RLF: variants seen among roughly 807,000 people sequenced by gnomAD.
RLF encodes the protein zinc finger protein Rlf.
RLF carries 7 observed loss-of-function variants against 162.9 expected under a neutral mutation model. The ratio of observed to expected loss-of-function variants is 0.04; its 90% CI spans 0.02 to 0.08. RLF has a LOEUF of 0.08. Among genes scored for constraint, RLF ranks in the 10% least tolerant of loss-of-function variants. RLF has a pLI of 1.00. For missense variants in RLF, 1,664 were observed against 2,244.7 expected, an observed-to-expected ratio of 0.74 and a Z score of 5.23; for synonymous variants, 782 against 791.5, an observed-to-expected ratio of 0.99 and a Z score of 0.20.
At chr1:40,222,818 G>A in intron 6 of RLF, 108 bp downstream of exon 6, 1 of 862,416 alleles carries the variant, frequency 1.2e-6, no homozygotes, top group Non-Finnish European at 1.8e-6. Context: ...CATGACCTGT[G>A]AATAGCTTCT....
intron 1 of RLF, among the ~76,000 whole-genome samples, chr1:40,172,592 C>A (rs1005001528): frequency 6.6e-6 from 1 of 152,132 alleles, no homozygotes; most frequent in Admixed American, 6.6e-5. Flanking sequence ...CGAGACCAGC[C>A]TGGCCAACAT....
At chr1:40,203,692 A>G (rs1415736385) in intron 5 of RLF, among the ~76,000 whole-genome samples, 1 of 152,054 alleles carries the variant, frequency 6.6e-6, no homozygotes, top group African/African-American at 2.4e-5. Flanking sequence ...GCTTTATTTC[A>G]TCATCTACCT....
intron 1 of RLF, among the ~76,000 whole-genome samples, chr1:40,167,909 G>C (rs1223737455): frequency 1.3e-5 from 2 of 151,308 alleles, no homozygotes; most frequent in East Asian, 3.9e-4. Flanking sequence ...AGTCTTAACT[G>C]TCTTTATCAA....
chr1:40,240,431 G>C lies in RLF; in HGVS notation c.5729G>C (p.Cys1910Ser), dbSNP rs141730115. 6.8e-6 allele frequency: 11 copies of C among 1,611,620 alleles called. No individual in the cohort carries two copies. Among genetic ancestry groups the C allele is most frequent in the Non-Finnish European group, 8.5e-6 (10 of 1,178,778 alleles). The change falls in exon 8 of 8, where the codon TGT becomes TCT. Residue 1910 changes from cysteine to serine, a missense_variant. Around this residue, in one of 15 missense-constraint regions of RLF, gnomAD observed 27 missense variants for 52.5 expected, o/e 0.51. Transcript: ENST00000372771. ...CCAACAAAAAAGACAGATGAGCTTT[G>C]TGTAGGAAGTTCATAAGTAGCAATT... is the stretch of plus-strand genomic sequence containing the variant. ...LFPTKKTDELCVGSS is the reference protein window; with the variant it reads ...LFPTKKTDELSVGSS
At position 40,175,026 on chromosome 1, in the gene RLF, C is replaced by T. The variant is rs145445005; in HGVS notation, c.237+13390C>T. Among the ~76,000 whole-genome samples, 116 of 152,134 alleles carry T rather than the reference C, an allele frequency of 7.6e-4. 2 individuals carry two copies. Among genetic ancestry groups the T allele is most frequent in the Middle Eastern group, 6.8e-3 (2 of 294 alleles). On this transcript the variant is annotated intron_variant, in intron 1 of 7. Coordinates refer to ENST00000372771, the MANE Select transcript of RLF (RefSeq NM_012421.4). ...ACCAAGACTGGGCAACGTAGTGAGA[C>T]CCTGTCTCTACAAAAACTTTTTAAA...
chr1:40,225,436 G>A (rs931810441), intron 6 of RLF, among the ~76,000 whole-genome samples: 19 of 151,902 alleles, frequency 1.3e-4, no homozygotes, highest in African/African-American at 3.6e-4. Context: ...AAAATTAGCC[G>A]GGCGTGGTGG....
At chr1:40,199,854 G>A (rs201864046) in intron 4 of RLF, among the ~76,000 whole-genome samples, 6 of 152,036 alleles carry the variant, frequency 3.9e-5, no homozygotes, top group African/African-American at 1.4e-4. Context: ...AATTAGAAAA[G>A]AATTACTAGG....
At chr1:40,169,695 CTTTT>C (rs202079055) in intron 1 of RLF, among the ~76,000 whole-genome samples, 1 of 132,216 alleles carries the variant, frequency 7.6e-6, no homozygotes. Flanking sequence ...TTGGGATAAG[CTTTT>C]TTTTTTTTTT....
In RLF at chr1:40,179,301, T is replaced by C. The variant is rs1642374415; in HGVS notation, c.238-9754T>C. On this transcript the variant is annotated intron_variant, in intron 1 of 7. Transcript: ENST00000372771. ...AATGCCTGTTATTTCCCTCTGTTGT[T>C]ACACAACTACCTCAGAATTGTAATA... Among the ~76,000 whole-genome samples, 6 of 152,228 alleles carry C rather than the reference T, an allele frequency of 3.9e-5. No individual in the cohort carries two copies. The South Asian group carries it at 1.2e-3, about 32-fold the overall frequency.
chr1:40,213,793 A>G (rs1642891683), intron 5 of RLF, among the ~76,000 whole-genome samples: 1 of 152,262 alleles, frequency 6.6e-6, no homozygotes, highest in Non-Finnish European at 1.5e-5. Context: ...TAATCAGGGA[A>G]ATACTGCATT....
At chr1:40,212,994 C>T (rs1215185425) in intron 5 of RLF, among the ~76,000 whole-genome samples, 1 of 152,180 alleles carries the variant, frequency 6.6e-6, no homozygotes, top group East Asian at 1.9e-4. Flanking sequence ...ACCTCCACCA[C>T]CTTCTTTTAT....
intron 7 of RLF, 66 bp downstream of exon 7, chr1:40,231,724 C>A (rs1271389854): frequency 1.2e-5 from 17 of 1,414,654 alleles, no homozygotes; most frequent in African/African-American, 2.9e-5. Flanking sequence ...AAGATAACTT[C>A]TCAGGAAATT....
At chr1:40,176,701 C>T (rs1642330300) in intron 1 of RLF, among the ~76,000 whole-genome samples, 1 of 152,194 alleles carries the variant, frequency 6.6e-6, no homozygotes, top group African/African-American at 2.4e-5. Context: ...CCTTGGCCTT[C>T]CAAAATGCTG....
At chr1:40,195,920 TTAAG>T (rs1166455419) in intron 4 of RLF, among the ~76,000 whole-genome samples, 156 bp downstream of exon 4, 2 of 152,346 alleles carry the variant, frequency 1.3e-5, no homozygotes, top group South Asian at 2.1e-4. Context: ...AATGTTTTGC[TTAAG>T]TAAGGATTCT....
intron 1 of RLF, among the ~76,000 whole-genome samples, chr1:40,185,841 A>AG (rs1642471392): frequency 1.1e-5 from 1 of 94,750 alleles, no homozygotes; most frequent in South Asian, 3.5e-4. Context: ...AAAAAAAAAA[A>AG]GCAAAAAAAA....
intron 5 of RLF, among the ~76,000 whole-genome samples, chr1:40,205,525 T>G (rs923825824): frequency 7.2e-6 from 1 of 138,478 alleles, no homozygotes; most frequent in African/African-American, 2.8e-5. Flanking sequence ...AGTCTCGCAC[T>G]GTCACCCAGG....
In RLF at chr1:40,163,689, A is replaced by T. The variant is rs935074647; in HGVS notation, c.237+2053A>T. 3.3e-5 allele frequency among the ~76,000 whole-genome samples: 5 copies of T among 152,338 alleles called. 1 individual carries two copies. Among genetic ancestry groups the T allele is most frequent in the African/African-American group, 1.2e-4 (5 of 41,576 alleles). On this transcript the variant is annotated intron_variant, in intron 1 of 7. Transcript: ENST00000372771. ...TATTCCTGTAACACTGTATTGTAAT[A>T]GAAAGCACATGGGATTGGGAGTTAA...
In RLF at chr1:40,195,704, G is replaced by A. The variant is rs998584268; in HGVS notation, c.547G>A (p.Val183Met). The change falls in exon 4 of 8, where the codon GTG (valine) becomes ATG (methionine). Residue 183 changes from valine (V) to methionine (M), a missense_variant. Val to Met is a conservative substitution (Grantham distance 21). Transcript: ENST00000372771. Reference protein sequence around the residue: ...QILVHVTKEGVWKNPVLLKIL... With the variant: ...QILVHVTKEGMWKNPVLLKIL... ...ATTGGTTCATGTTACCAAGGAAGGG[G>A]TGTGGAAAAACCCAGTTCTTCTTAA... 2 of 1,613,678 alleles carry A rather than the reference G, an allele frequency of 1.2e-6. No homozygotes were observed. Among genetic ancestry groups the A allele is most frequent in the South Asian group, 1.1e-5 (1 of 91,054 alleles).
At chr1:40,195,818 G>T in intron 4 of RLF, 54 bp downstream of exon 4, 2 of 1,533,320 alleles carry the variant, frequency 1.3e-6, no homozygotes, top group South Asian at 1.2e-5. Flanking sequence ...CGTTGGAATT[G>T]ATTATGGGTT....
Sources: allele counts gnomAD v4.1 joint callset (sites outside exome capture counted in the v4.1 genomes callset), GRCh38; gene constraint gnomAD v4.1.1; regional missense constraint gnomAD v4.1.1; transcripts MANE v1.5; gene names NCBI Gene and HGNC (gene_info 2026-07-23, HGNC 2026-07-21).